SEMA5A: variants seen among roughly 807,000 people sequenced by gnomAD.
The protein encoded by SEMA5A is semaphorin 5A.
Under a neutral mutation model 135.5 loss-of-function variants are expected in SEMA5A, and 55 were observed. That is an observed-to-expected ratio of 0.41 (90% CI 0.33 to 0.51). The LOEUF (loss-of-function observed/expected upper bound fraction) is 0.51, where lower values mean the gene tolerates loss of function less well. Ranked by LOEUF, SEMA5A falls within the 20% of genes least tolerant of loss-of-function variation. SEMA5A has a pLI of 0.37. For synonymous variants in SEMA5A, 580 were observed against 546.5 expected, an observed-to-expected ratio of 1.06 and a Z score of -0.85; for missense variants, 1,290 against 1,419.9, an observed-to-expected ratio of 0.91 and a Z score of 1.47.
chr5:9,072,978 T>C (rs968792615), intron 16 of SEMA5A, among the ~76,000 whole-genome samples: 5 of 152,182 alleles, frequency 3.3e-5, no homozygotes, highest in Non-Finnish European at 7.3e-5. Context: ...GCATCCCATA[T>C]GTTCAAGGAA....
chr5:9,307,861 C>T (rs1201881585), intron 5 of SEMA5A, among the ~76,000 whole-genome samples: 1 of 152,064 alleles, frequency 6.6e-6, no homozygotes, highest in Admixed American at 6.6e-5. Flanking sequence ...ACATAAATTG[C>T]CTGACTTCGT....
At chr5:9,074,885 G>A (rs1338988503) in intron 16 of SEMA5A, among the ~76,000 whole-genome samples, 1 of 152,112 alleles carries the variant, frequency 6.6e-6, no homozygotes, top group African/African-American at 2.4e-5. Context: ...GATTTACTCA[G>A]CCACCCCAAA....
chr5:9,507,877 G>A (rs1485792596), intron 1 of SEMA5A, among the ~76,000 whole-genome samples: 4 of 151,984 alleles, frequency 2.6e-5, no homozygotes, highest in Admixed American at 2.0e-4. Context: ...GGTGGCGGGC[G>A]CCTGTAGTCC....
chr5:9,509,333 G>A (rs1736078945), intron 1 of SEMA5A, among the ~76,000 whole-genome samples: 1 of 152,020 alleles, frequency 6.6e-6, no homozygotes, highest in Non-Finnish European at 1.5e-5. Flanking sequence ...GGAGTGCAAT[G>A]GCATGATCTC....
chr5:9,283,661 G>A (rs899009466), intron 5 of SEMA5A, among the ~76,000 whole-genome samples: 4 of 152,218 alleles, frequency 2.6e-5, no homozygotes, highest in Non-Finnish European at 4.4e-5. Flanking sequence ...CCAGGGGGCA[G>A]AATCCTGGGG....
At chr5:9,534,614 G>A (rs368976633) in intron 1 of SEMA5A, among the ~76,000 whole-genome samples, 1 of 152,112 alleles carries the variant, frequency 6.6e-6, no homozygotes, top group East Asian at 1.9e-4. Flanking sequence ...GACCCCAAGA[G>A]AGAGTTCTTG....
chr5:9,089,878 T>C (rs1465142242), intron 16 of SEMA5A, among the ~76,000 whole-genome samples: 2 of 152,242 alleles, frequency 1.3e-5, no homozygotes, highest in African/African-American at 2.4e-5. Flanking sequence ...CAAATGTTTA[T>C]TCTACATCTA....
intron 2 of SEMA5A, among the ~76,000 whole-genome samples, chr5:9,437,242 G>C (rs890205724): frequency 6.6e-6 from 1 of 152,160 alleles, no homozygotes; most frequent in African/African-American, 2.4e-5. Flanking sequence ...TCACGTCTTC[G>C]GGTTCCTGAG....
At chr5:9,220,456 G>T (rs1746875354) in intron 8 of SEMA5A, among the ~76,000 whole-genome samples, 1 of 151,686 alleles carries the variant, frequency 6.6e-6, no homozygotes, top group African/African-American at 2.4e-5. Context: ...AGAAAACTAA[G>T]AAAAAACAAC....
chr5:9,509,394 C>T (rs1449978397), intron 1 of SEMA5A, among the ~76,000 whole-genome samples: 2 of 152,070 alleles, frequency 1.3e-5, no homozygotes, highest in Non-Finnish European at 2.9e-5. Flanking sequence ...CCTGTCTCAG[C>T]CTCCCGAGTA....
rs1302968860 is a variant in SEMA5A, at chr5:9,136,470, G to C, written c.1599+34C>G. 4 of 1,556,922 alleles carry C rather than the reference G, an allele frequency of 2.6e-6. No homozygotes were observed. The South Asian group carries it at 4.5e-5, about 17-fold the overall frequency. The stretch of plus-strand genomic sequence containing the variant: ...CAGGGGAGCATGGCTCCCATGGGCA[G>C]CATTTTCAGAGGATGGAGAAGGTGG... On this transcript the variant is annotated intron_variant, in intron 13 of 22. Transcript: ENST00000382496.
At chr5:9,353,060 GAAGGA>G (rs145299714) in intron 3 of SEMA5A, among the ~76,000 whole-genome samples, 1,904 of 36,404 alleles carry the variant, frequency 0.052, 247 homozygotes, top group Admixed American at 0.068. Context: ...GAAAGGAAAG[GAAGGA>G]AAGGAAAGGA....
At chr5:9,509,778 C>A (rs1736106385) in intron 1 of SEMA5A, among the ~76,000 whole-genome samples, 1 of 152,122 alleles carries the variant, frequency 6.6e-6, no homozygotes, top group Non-Finnish European at 1.5e-5. Context: ...GATAGTTTTT[C>A]TCCAAACCAC....
intron 5 of SEMA5A, among the ~76,000 whole-genome samples, chr5:9,254,247 G>C (rs1274734585): frequency 1.3e-5 from 2 of 152,150 alleles, no homozygotes; most frequent in African/African-American, 4.8e-5. Flanking sequence ...TCCCAGCCTA[G>C]TAAAGGCAAG....
chr5:9,342,500 A>T (rs1293624527), intron 3 of SEMA5A, among the ~76,000 whole-genome samples: 1 of 152,192 alleles, frequency 6.6e-6, no homozygotes, highest in African/African-American at 2.4e-5. Context: ...CCACATTGGA[A>T]ACTAAGATTC....
intron 11 of SEMA5A, among the ~76,000 whole-genome samples, chr5:9,172,152 C>T (rs909676279): frequency 1.3e-5 from 2 of 152,126 alleles, no homozygotes; most frequent in African/African-American, 4.8e-5. Flanking sequence ...CCAGGTGAGT[C>T]ACTGCAGGTC....
At chr5:9,055,097 C>T (rs979437171) in intron 18 of SEMA5A, among the ~76,000 whole-genome samples, 2 of 152,190 alleles carry the variant, frequency 1.3e-5, no homozygotes, top group African/African-American at 4.8e-5. Flanking sequence ...ATGCTGGGGT[C>T]AGGTGGCCCA....
At position 9,036,329 on chromosome 5, in the gene SEMA5A, C is replaced by A. The variant is rs1224060506; in HGVS notation, c.*6568G>T. On this transcript the variant is annotated 3_prime_UTR_variant, in exon 23 of 23. Transcript: ENST00000382496. ...TTTTCTTAACCCAAATTAAGAGTGA[C>A]AACTTTTGTGAACTTGTGAAGCAGT... 6.6e-6 allele frequency: 1 copy of A among 152,144 alleles called. No homozygotes were observed. Among genetic ancestry groups the A allele is most frequent in the Non-Finnish European group, 1.5e-5 (1 of 68,034 alleles). 9.4% of individuals were successfully genotyped at this position (152,144 alleles called of 1,614,324 possible).
intron 11 of SEMA5A, among the ~76,000 whole-genome samples, chr5:9,156,688 C>T (rs1044602528): frequency 2.0e-5 from 3 of 152,154 alleles, no homozygotes; most frequent in East Asian, 1.9e-4. Context: ...CTGTGACCAG[C>T]GTCACACTAG....
Sources: allele counts gnomAD v4.1 joint callset (sites outside exome capture counted in the v4.1 genomes callset), GRCh38; gene constraint gnomAD v4.1.1; transcripts MANE v1.5; gene names NCBI Gene and HGNC (gene_info 2026-07-23, HGNC 2026-07-21).